The following PRKG1 variants were observed in gnomAD, a reference collection of about 807,000 sequenced individuals.
PRKG1 encodes cGMP-dependent protein kinase 1.
Under a neutral mutation model 88.1 loss-of-function variants are expected in PRKG1, and 35 were observed. That is an observed-to-expected ratio of 0.40 (90% CI 0.30 to 0.53). The LOEUF (loss-of-function observed/expected upper bound fraction) is 0.53, where lower values mean the gene tolerates loss of function less well. Among genes scored for constraint, PRKG1 ranks in the 20% least tolerant of loss-of-function variants. The pLI is 0.59. For missense variants in PRKG1, 540 were observed against 839.8 expected, an observed-to-expected ratio of 0.64 and a Z score of 4.41; for synonymous variants, 303 against 292.5, an observed-to-expected ratio of 1.04 and a Z score of -0.37.
chr10:51,143,920 GT>G lies in PRKG1; in HGVS notation c.312-9242del, dbSNP rs527352520. Reference sequence around the variant, plus strand: ...GGCAAATATTTCTTCCATTCTATAGGTTGTGTCTTCATTCTTTTGATTGTTT... The same window carrying G: ...GGCAAATATTTCTTCCATTCTATAGGTGTGTCTTCATTCTTTTGATTGTTT... On this transcript the variant is annotated intron_variant, in intron 1 of 17. Coordinates refer to ENST00000373980, the MANE Select transcript of PRKG1 (RefSeq NM_006258.4). 6.6e-3 allele frequency among the ~76,000 whole-genome samples: 997 copies of G among 152,008 alleles called. 18 individuals carry two copies. Among genetic ancestry groups the G allele is most frequent in the African/African-American group, 0.023 (941 of 41,498 alleles).
At chr10:52,135,220 A>G (rs1163086779) in intron 8 of PRKG1, among the ~76,000 whole-genome samples, 1 of 152,062 alleles carries the variant, frequency 6.6e-6, no homozygotes, top group African/African-American at 2.4e-5. Context: ...GTGGAAGTAT[A>G]GGAAAAGCAA....
In PRKG1 at chr10:51,510,485, CA is replaced by C. The variant is rs138481152; in HGVS notation, c.592+42653del. On this transcript the variant is annotated intron_variant, in intron 3 of 17. Transcript: ENST00000373980. ...TAATGAAAGTTATGTTTATACTTAC[CA>C]AAAGTATTATAGGTTCTTAACTTTT... 5.6e-3 allele frequency among the ~76,000 whole-genome samples: 859 copies of C among 152,084 alleles called. 4 individuals are homozygous for C. Among genetic ancestry groups the C allele is most frequent in the African/African-American group, 0.019 (797 of 41,502 alleles).
At chr10:52,089,108 T>C (rs577918985) in intron 7 of PRKG1, among the ~76,000 whole-genome samples, 1 of 152,292 alleles carries the variant, frequency 6.6e-6, no homozygotes, top group Admixed American at 6.5e-5. Context: ...TAAATGAAAT[T>C]ATGTTAAATA....
At chr10:51,183,925 A>G (rs1837416813) in intron 2 of PRKG1, among the ~76,000 whole-genome samples, 3 of 152,170 alleles carry the variant, frequency 2.0e-5, no homozygotes. Flanking sequence ...CAATCAGCCA[A>G]TCAGTCTTAG....
chr10:51,249,750 A>G (rs1183841008), intron 2 of PRKG1, among the ~76,000 whole-genome samples: 1 of 151,836 alleles, frequency 6.6e-6, no homozygotes, highest in African/African-American at 2.4e-5. Flanking sequence ...TTGAGCATCT[A>G]CTATGTGTGA....
intron 2 of PRKG1, among the ~76,000 whole-genome samples, chr10:51,437,747 G>A (rs1222506186): frequency 6.6e-6 from 1 of 151,174 alleles, no homozygotes; most frequent in Non-Finnish European, 1.5e-5. Context: ...TAAATCAGTG[G>A]TTCTTAAACA....
intron 2 of PRKG1, among the ~76,000 whole-genome samples, chr10:51,357,504 C>A (rs1842391916): frequency 1.3e-5 from 2 of 151,976 alleles, no homozygotes; most frequent in Admixed American, 6.6e-5. Context: ...CCTGCCAGCT[C>A]AGTGTCAATG....
chr10:51,583,731 C>A (rs10733845), intron 3 of PRKG1, among the ~76,000 whole-genome samples: 131,387 of 152,098 alleles, frequency 0.86, 56,878 homozygotes, highest in East Asian at 1. Context: ...GCAGAAAATC[C>A]TTTTAATGTG....
At chr10:51,714,002 C>CG (rs1841823663) in intron 3 of PRKG1, among the ~76,000 whole-genome samples, 2 of 151,824 alleles carry the variant, frequency 1.3e-5, no homozygotes, top group South Asian at 4.2e-4. Flanking sequence ...TTTTTTGAGA[C>CG]GGAGTCTCAC....
At chr10:51,941,638 G>A (rs920688661) in intron 5 of PRKG1, among the ~76,000 whole-genome samples, 4 of 139,164 alleles carry the variant, frequency 2.9e-5, no homozygotes, top group African/African-American at 1.1e-4. Context: ...AGAGTGTGAT[G>A]TTCCCCGTCC....
At chr10:52,191,326 G>C (rs938741052) in intron 9 of PRKG1, among the ~76,000 whole-genome samples, 1 of 144,674 alleles carries the variant, frequency 6.9e-6, no homozygotes, top group Non-Finnish European at 1.5e-5. Flanking sequence ...CCATGCTCCA[G>C]CTATTTTTTT....
At chr10:51,466,144 G>A (rs1839899355) in intron 2 of PRKG1, among the ~76,000 whole-genome samples, 1 of 152,046 alleles carries the variant, frequency 6.6e-6, no homozygotes, top group Non-Finnish European at 1.5e-5. Flanking sequence ...ATTCTTGAGT[G>A]GTAGATGAAA....
chr10:51,515,365 A>G (rs985469694), intron 3 of PRKG1, among the ~76,000 whole-genome samples: 8 of 152,226 alleles, frequency 5.3e-5, no homozygotes, highest in Admixed American at 4.6e-4. Context: ...GAGAATGATC[A>G]GCATAAATGG....
intron 3 of PRKG1, among the ~76,000 whole-genome samples, chr10:51,470,198 A>G (rs564468443): frequency 1.5e-4 from 23 of 151,874 alleles, no homozygotes; most frequent in Admixed American, 3.3e-4. Flanking sequence ...CATGTCTTCA[A>G]ATTTATTTGG....
chr10:51,945,785 C>T (rs1417776537), intron 5 of PRKG1, among the ~76,000 whole-genome samples: 4 of 151,568 alleles, frequency 2.6e-5, no homozygotes, highest in Non-Finnish European at 5.9e-5. Context: ...ATATTGGCCC[C>T]CACTCTCTTC....
chr10:51,959,489 A>G (rs1843394400), intron 5 of PRKG1, among the ~76,000 whole-genome samples: 1 of 152,124 alleles, frequency 6.6e-6, no homozygotes, highest in Admixed American at 6.6e-5. Flanking sequence ...TGGAAGGGTA[A>G]GCATTGCTTA....
intron 2 of PRKG1, among the ~76,000 whole-genome samples, chr10:51,338,390 C>A (rs1246269695): frequency 5.3e-5 from 8 of 152,142 alleles, no homozygotes; most frequent in African/African-American, 1.9e-4. Context: ...GCACATCCTG[C>A]ACATGTACCC....
At chr10:51,360,777 C>A (rs1159364928) in intron 2 of PRKG1, among the ~76,000 whole-genome samples, 1 of 151,876 alleles carries the variant, frequency 6.6e-6, no homozygotes, top group Non-Finnish European at 1.5e-5. Context: ...GTGGTTGAGC[C>A]ATCCACATAC....
At chr10:51,849,622 T>C (rs144974707) in intron 4 of PRKG1, among the ~76,000 whole-genome samples, 33 of 152,298 alleles carry the variant, frequency 2.2e-4, no homozygotes, top group African/African-American at 7.9e-4. Flanking sequence ...TTTTGCACTC[T>C]ACCTCAATGC....
Sources: gnomAD v4.1 joint callset for allele counts (sites outside exome capture counted in the v4.1 genomes callset) on GRCh38, gnomAD v4.1.1 for gene constraint, MANE v1.5 for transcripts, NCBI Gene and HGNC (gene_info 2026-07-23, HGNC 2026-07-21) for gene names.